Variants in RPS6KC1 observed in about 807,000 individuals in gnomAD.
RPS6KC1 encodes inactive ribosomal protein S6 kinase delta-1.
Under a neutral mutation model 103.8 loss-of-function variants are expected in RPS6KC1, and 54 were observed. The ratio of observed to expected loss-of-function variants is 0.52; its 90% CI spans 0.42 to 0.65. The LOEUF is 0.65. Among genes scored for constraint, RPS6KC1 ranks in the 30% least tolerant of loss-of-function variants. The pLI, the probability that RPS6KC1 is intolerant of heterozygous loss-of-function variation, is 0.00. For missense variants in RPS6KC1, 1,151 were observed against 1,253.8 expected (o/e 0.92, Z 1.24); for synonymous variants, 439 against 438.7 (o/e 1.00, Z -0.01).
At chr1:213,632,551 T>C in the RPS6KC1 span, among the ~76,000 whole-genome samples, 1 of 152,272 alleles carries the variant, frequency 6.6e-6, no homozygotes, top group East Asian at 1.9e-4. Context: ...GTCATCAACA[T>C]CAAAGACCAA....
chr1:213,508,914 G>A, the RPS6KC1 span, among the ~76,000 whole-genome samples: 2 of 152,262 alleles, frequency 1.3e-5, no homozygotes, highest in South Asian at 2.1e-4. Context: ...CTTCTAACTC[G>A]GTGAATTCAT....
the RPS6KC1 span, among the ~76,000 whole-genome samples, chr1:213,281,110 A>G: frequency 2.0e-5 from 3 of 152,104 alleles, no homozygotes. Context: ...GTGAACAGAG[A>G]GAGGCCAGTT....
the RPS6KC1 span, among the ~76,000 whole-genome samples, chr1:213,775,337 T>C: frequency 8.5e-5 from 13 of 152,294 alleles, no homozygotes; most frequent in South Asian, 2.7e-3. Flanking sequence ...AGATCACAAG[T>C]GAATTTAATT....
the RPS6KC1 span, among the ~76,000 whole-genome samples, chr1:213,519,259 C>A: frequency 6.6e-6 from 1 of 152,118 alleles, no homozygotes; most frequent in African/African-American, 2.4e-5. Flanking sequence ...ATATGTAGAT[C>A]TCCTAGTTCA....
the RPS6KC1 span, among the ~76,000 whole-genome samples, chr1:213,380,072 C>T: frequency 6.6e-6 from 1 of 152,074 alleles, no homozygotes; most frequent in African/African-American, 2.4e-5. Flanking sequence ...ATGGAATCAA[C>T]CTAAATGTCC....
downstream of RPS6KC1, among the ~76,000 whole-genome samples, chr1:213,277,839 T>C (rs775953366): frequency 2.0e-5 from 3 of 152,218 alleles, no homozygotes; most frequent in Non-Finnish European, 4.4e-5. Flanking sequence ...ACATTTAGAA[T>C]TGCTGGCATC....
the RPS6KC1 span, among the ~76,000 whole-genome samples, chr1:213,802,009 T>C: frequency 1.3e-5 from 2 of 152,234 alleles, no homozygotes; most frequent in Non-Finnish European, 2.9e-5. Context: ...GTGCTATTTG[T>C]ATACTCAGTT....
chr1:213,634,260 A>G, the RPS6KC1 span, among the ~76,000 whole-genome samples: 1 of 152,186 alleles, frequency 6.6e-6, no homozygotes, highest in African/African-American at 2.4e-5. Context: ...CTCCACCCCA[A>G]ATCAACAGAA....
intron 12 of RPS6KC1, among the ~76,000 whole-genome samples, chr1:213,247,354 T>C (rs1427287975): frequency 1.3e-5 from 2 of 152,204 alleles, no homozygotes; most frequent in East Asian, 3.8e-4. Context: ...ATGACATTTA[T>C]TGACTACCTT....
the RPS6KC1 span, among the ~76,000 whole-genome samples, chr1:213,833,062 C>T: frequency 6.6e-6 from 1 of 152,192 alleles, no homozygotes; most frequent in South Asian, 2.1e-4. Flanking sequence ...GCTCTCCAGC[C>T]TTCAGCAGAC....
the RPS6KC1 span, among the ~76,000 whole-genome samples, chr1:213,721,747 C>A: frequency 6.6e-6 from 1 of 152,200 alleles, no homozygotes; most frequent in African/African-American, 2.4e-5. Context: ...CAAGAGAGTT[C>A]TCATATAGCT....
chr1:213,268,793 T>A, intron 14 of RPS6KC1, among the ~76,000 whole-genome samples: 2 of 151,126 alleles, frequency 1.3e-5, no homozygotes, highest in South Asian at 2.1e-4. Context: ...ATAAGATAAG[T>A]GATATATTAA....
intron 13 of RPS6KC1, 111 bp from the exon 14 acceptor site, chr1:213,262,610 T>C: frequency 1.3e-6 from 1 of 750,728 alleles, no homozygotes. Flanking sequence ...ATTACTACAC[T>C]TCCAGTTAAA....
chr1:213,328,164 A>G, the RPS6KC1 span, among the ~76,000 whole-genome samples: 3 of 152,156 alleles, frequency 2.0e-5, no homozygotes, highest in Non-Finnish European at 4.4e-5. Flanking sequence ...CTACATCTCT[A>G]TCTGGCTTTC....
intron 3 of RPS6KC1, among the ~76,000 whole-genome samples, chr1:213,083,495 T>TA (rs889537398): frequency 2.6e-5 from 4 of 152,126 alleles, no homozygotes; most frequent in Admixed American, 2.0e-4. Flanking sequence ...AGAGGGGAGG[T>TA]AACTTGTCTA....
the RPS6KC1 span, among the ~76,000 whole-genome samples, chr1:213,358,220 T>C: frequency 6.6e-6 from 1 of 152,214 alleles, no homozygotes; most frequent in Non-Finnish European, 1.5e-5. Flanking sequence ...TACCAGCTCC[T>C]CCTTGTACTG....
intron 4 of RPS6KC1, 73 bp from the exon 5 acceptor site, chr1:213,117,244 G>T (rs2083759623): frequency 1.2e-6 from 1 of 835,640 alleles, no homozygotes; most frequent in Non-Finnish European, 2.0e-6. Context: ...TACTTAATTG[G>T]GATAACTATT....
At chr1:213,719,895 C>T in the RPS6KC1 span, among the ~76,000 whole-genome samples, 3 of 152,178 alleles carry the variant, frequency 2.0e-5, no homozygotes, top group South Asian at 2.1e-4. Context: ...GCCTACTTTA[C>T]GTGATATACT....
the RPS6KC1 span, among the ~76,000 whole-genome samples, chr1:213,830,944 C>T: frequency 6.6e-6 from 1 of 152,162 alleles, no homozygotes. Context: ...GTCTCTGTTG[C>T]TCTGGGCAGC....
Sources: allele counts gnomAD v4.1 joint callset (sites outside exome capture counted in the v4.1 genomes callset), GRCh38; gene constraint gnomAD v4.1.1; transcripts MANE v1.5; gene names NCBI Gene and HGNC (gene_info 2026-07-23, HGNC 2026-07-21).